The following MCM3AP variants were observed in gnomAD, a reference collection of about 807,000 sequenced individuals.
The protein encoded by MCM3AP is germinal-center associated nuclear protein.
A neutral mutation model predicts 184.1 loss-of-function variants in MCM3AP; 126 were observed. The observed-to-expected ratio is 0.68, with a 90% CI of 0.59 to 0.79. MCM3AP has a LOEUF of 0.79. Among genes scored for constraint, MCM3AP ranks in the 30% least tolerant of loss-of-function variants. The pLI, the probability that MCM3AP is intolerant of heterozygous loss-of-function variation, is 0.00. For synonymous variants in MCM3AP, 1,002 were observed against 979.3 expected (o/e 1.02, Z -0.43); for missense variants, 2,496 against 2,479.2 (o/e 1.01, Z -0.14).
chr21:46,280,101 T>A lies in MCM3AP; in HGVS notation c.1559A>T (p.Lys520Ile). ...CGGGCTGACTTCACCGTCACCTGGT[T>A]TCTTCTCCTTCAGGGAAAAGGGTTT... is the stretch of plus-strand genomic sequence containing the variant. ...NKKPFSLKEK[K>I]PGDGEVSPST... is the part of the protein sequence containing the mutation. Residue 520 changes from lysine to isoleucine, a missense_variant, in exon 4 of 28, where the codon AAA becomes ATA. Lys to Ile is a moderately radical substitution (Grantham distance 102). Around this residue, in one of 5 missense-constraint regions of MCM3AP, gnomAD observed 800 missense variants for 717.1 expected, o/e 1.12. Coordinates refer to ENST00000291688, the MANE Select transcript of MCM3AP (RefSeq NM_003906.5). 1 of 1,614,218 alleles carries A rather than the reference T, an allele frequency of 6.2e-7. No individual in the cohort carries two copies. Among genetic ancestry groups the A allele is most frequent in the Non-Finnish European group, 8.5e-7 (1 of 1,180,038 alleles).
At position 46,284,633 on chromosome 21, in the gene MCM3AP, T is replaced by C. The variant is rs371680138; in HGVS notation, c.654A>G (p.Ser218=). The change falls in exon 1 of 28, where the codon TCA becomes TCG. Residue 218 remains serine, a synonymous_variant. Coordinates refer to ENST00000291688, the MANE Select transcript of MCM3AP (RefSeq NM_003906.5). The part of the protein sequence containing the change: ...TFSKPVSSNN[S]LSAFTPALSN... ...ACAAAGCAGGGGTAAAGGCAGATAATGAATTATTACTACTAACAGGTTTTG... is the reference window on the plus strand; with the variant it reads ...ACAAAGCAGGGGTAAAGGCAGATAACGAATTATTACTACTAACAGGTTTTG... 40 of 1,614,088 alleles carry C rather than the reference T, an allele frequency of 2.5e-5. No homozygotes were observed. Among genetic ancestry groups the C allele is most frequent in the Non-Finnish European group, 3.2e-5 (38 of 1,180,050 alleles).
In MCM3AP at chr21:46,272,635, A is replaced by T. The variant is rs781108275; in HGVS notation, c.2391T>A (p.Gly797=). 6.2e-7 allele frequency: 1 copy of T among 1,614,150 alleles called. No individual in the cohort carries two copies. Among genetic ancestry groups the T allele is most frequent in the Non-Finnish European group, 8.5e-7 (1 of 1,180,006 alleles). ...KEMYQDLRNK[G]VFCASEAEFQ... is the part of the protein sequence containing the mutation. ...ACTCCGCTTCGCTGGCACAGAAGAC[A>T]CCCTTGTTTCTCAGGTCCTGGTACA... is the stretch of plus-strand genomic sequence containing the variant. The change falls in exon 8 of 28, where the codon GGT becomes GGA. Residue 797 remains glycine (G), a synonymous_variant. Coordinates refer to ENST00000291688, the MANE Select transcript of MCM3AP (RefSeq NM_003906.5).
chr21:46,281,218 G>C (rs921995666), intron 2 of MCM3AP, among the ~76,000 whole-genome samples: 2 of 152,112 alleles, frequency 1.3e-5, no homozygotes, highest in African/African-American at 4.8e-5. Flanking sequence ...GAAAGTTTGC[G>C]AAGTCACAAT....
At chr21:46,256,255 C>T (rs1416787871) in intron 17 of MCM3AP, among the ~76,000 whole-genome samples, 2 of 152,144 alleles carry the variant, frequency 1.3e-5, no homozygotes, top group Non-Finnish European at 2.9e-5. Context: ...GGAGCCGGTT[C>T]TGCTCGGGGT....
rs887285721 is a variant in MCM3AP at position 46,259,888 on chromosome 21, G to C, written c.3582-797C>G. On this transcript the variant is annotated intron_variant, in intron 15 of 27. Transcript: ENST00000291688. ...CCACTGCACTCCAGCTTGGGTAACA[G>C]AGTAAAACTCCATTTCAAAAAAAAA... Among the ~76,000 whole-genome samples, 5 of 137,890 alleles carry C rather than the reference G, an allele frequency of 3.6e-5. 1 individual carries two copies. Among genetic ancestry groups the C allele is most frequent in the South Asian group, 4.5e-4 (2 of 4,420 alleles). 90.5% of individuals were successfully genotyped at this position (137,890 alleles called of 152,430 possible).
At chr21:46,260,103 T>A (rs1967684389) in intron 15 of MCM3AP, among the ~76,000 whole-genome samples, 1 of 151,688 alleles carries the variant, frequency 6.6e-6, no homozygotes, top group South Asian at 2.1e-4. Context: ...AGAGTCTGCA[T>A]CCTCAGTATT....
intron 6 of MCM3AP, among the ~76,000 whole-genome samples, chr21:46,274,449 A>C (rs1275109548): frequency 6.6e-6 from 1 of 152,234 alleles, no homozygotes; most frequent in African/African-American, 2.4e-5. Flanking sequence ...CTAATGGTAA[A>C]AATGCAGAGT....
chr21:46,254,878 A>T lies in MCM3AP; in HGVS notation c.3933-34T>A, dbSNP rs775768480. 2.1e-5 allele frequency: 33 copies of T among 1,555,512 alleles called. No individual in the cohort carries two copies. In the Admixed American group the frequency reaches 5.3e-4, roughly 25 times the overall value. On this transcript the variant is annotated intron_variant, in intron 17 of 27. Transcript: ENST00000291688. ...GAAAGCAGAATGACAGTGTCCCCGC[A>T]GGAGCTTAGTGAGAAGTACTGGCTA... is the stretch of plus-strand genomic sequence containing the variant.
chr21:46,279,513 A>C (rs1264206025), intron 4 of MCM3AP, among the ~76,000 whole-genome samples: 1 of 152,260 alleles, frequency 6.6e-6, no homozygotes, highest in African/African-American at 2.4e-5. Flanking sequence ...CTGTGCAAGG[A>C]CAGAAGTTCT....
intron 4 of MCM3AP, among the ~76,000 whole-genome samples, chr21:46,278,781 C>T (rs959391822): frequency 7.9e-5 from 12 of 151,858 alleles, no homozygotes; most frequent in Non-Finnish European, 7.4e-5. Flanking sequence ...TCACGCAGTT[C>T]TCCTGCCTCA....
intron 4 of MCM3AP, among the ~76,000 whole-genome samples, chr21:46,278,614 G>C (rs375644311): frequency 1.3e-5 from 2 of 152,124 alleles, no homozygotes; most frequent in African/African-American, 4.8e-5. Flanking sequence ...ATGGCCGACC[G>C]TGTCTGCTTC....
chr21:46,283,692 A>G lies in MCM3AP; in HGVS notation c.1366T>C (p.Phe456Leu). 6.2e-7 allele frequency: 1 copy of G among 1,614,202 alleles called. No homozygotes were observed. The highest frequency in any genetic ancestry group is 8.5e-7 in the Non-Finnish European group (1 of 1,180,032). Residue 456 changes from phenylalanine to leucine, a missense_variant, in exon 2 of 28, where the codon TTT becomes CTT. Coordinates refer to ENST00000291688, the MANE Select transcript of MCM3AP (RefSeq NM_003906.5). ...LNDRTILENHFGKIAKVQRIF... is the reference protein window; with the variant it reads ...LNDRTILENHLGKIAKVQRIF... ...CGCTGCACTTTAGCAATTTTGCCAAAATGGTTCTCCAGAATGGTCCTGTCG... is the reference window on the plus strand; with the variant it reads ...CGCTGCACTTTAGCAATTTTGCCAAGATGGTTCTCCAGAATGGTCCTGTCG...
rs1360803899 is a variant in MCM3AP at position 46,266,900 on chromosome 21, C to T, written c.2789+82G>A. 6 of 1,465,242 alleles carry T rather than the reference C, an allele frequency of 4.1e-6. No individual in the cohort carries two copies. The East Asian group carries it at 9.6e-5, about 23-fold the overall frequency. The allele number at this position is 1,465,242 out of a possible 1,614,324, so 90.8% of individuals were successfully genotyped here. A position where few individuals can be genotyped will look rare whatever the true frequency, so the allele number is the denominator to read the frequency against. On this transcript the variant is annotated intron_variant, in intron 10 of 27. Coordinates refer to ENST00000291688, the MANE Select transcript of MCM3AP (RefSeq NM_003906.5). Reference sequence around the variant, plus strand: ...ATGCACCTTCTTCAAGTCAGGCAAGCAGCCAGCCCTTCACAGCCCTTCATC... The same window carrying T: ...ATGCACCTTCTTCAAGTCAGGCAAGTAGCCAGCCCTTCACAGCCCTTCATC...
At chr21:46,266,478 AAGG>A (rs1411142131) in intron 10 of MCM3AP, 28 of 278,096 alleles carry the variant, frequency 1.0e-4, no homozygotes, top group South Asian at 1.8e-4. Flanking sequence ...ACAGAACTGG[AAGG>A]AGGAGACAGG....
chr21:46,256,294 G>T (rs927530539), intron 17 of MCM3AP, among the ~76,000 whole-genome samples: 1 of 152,130 alleles, frequency 6.6e-6, no homozygotes, highest in East Asian at 1.9e-4. Context: ...GGAGGACCAG[G>T]GCCACACCAA....
chr21:46,273,904 A>C (rs994074977), intron 6 of MCM3AP, among the ~76,000 whole-genome samples: 1 of 152,228 alleles, frequency 6.6e-6, no homozygotes, highest in African/African-American at 2.4e-5. Flanking sequence ...AGCACTTAAA[A>C]GGTCTCAGGC....
intron 15 of MCM3AP, among the ~76,000 whole-genome samples, chr21:46,260,591 T>C (rs1322693040): frequency 6.6e-6 from 1 of 152,260 alleles, no homozygotes; most frequent in Non-Finnish European, 1.5e-5. Context: ...AGCCCTCATA[T>C]AAAAGAGAAT....
intron 23 of MCM3AP, among the ~76,000 whole-genome samples, chr21:46,244,282 G>C (rs916994350): frequency 6.6e-5 from 10 of 152,266 alleles, no homozygotes; most frequent in Non-Finnish European, 1.2e-4. Flanking sequence ...GCTTGAGCCA[G>C]CCAGATGGCC....
At chr21:46,280,459 A>T (rs1248384940) in intron 3 of MCM3AP, 38 bp downstream of exon 3, 9 of 1,429,896 alleles carry the variant, frequency 6.3e-6, no homozygotes, top group African/African-American at 2.9e-5. Context: ...AATAAAAATA[A>T]TTTTTTTAAA....
Sources: gnomAD v4.1 joint callset for allele counts (sites outside exome capture counted in the v4.1 genomes callset) on GRCh38, gnomAD v4.1.1 for gene constraint, gnomAD v4.1.1 regional missense constraint, MANE v1.5 for transcripts, NCBI Gene and HGNC (gene_info 2026-07-23, HGNC 2026-07-21) for gene names.